PTPRS: variants seen among roughly 807,000 people sequenced by gnomAD.
PTPRS encodes protein tyrosine phosphatase receptor type S.
PTPRS carries 63 observed loss-of-function variants against 215.3 expected under a neutral mutation model. The ratio of observed to expected loss-of-function variants is 0.29; its 90% CI spans 0.24 to 0.36. PTPRS has a LOEUF of 0.36. PTPRS is among the 10% of genes least tolerant of loss of function. The pLI, the probability that PTPRS is intolerant of heterozygous loss-of-function variation, is 1.00. For missense variants in PTPRS, 2,258 were observed against 2,825.8 expected, an observed-to-expected ratio of 0.80 and a Z score of 4.56; for synonymous variants, 1,404 against 1,191.4, an observed-to-expected ratio of 1.18 and a Z score of -3.68.
intron 15 of PTPRS, 52 bp from the exon 16 acceptor site, chr19:5,229,394 G>A: frequency 2.2e-6 from 3 of 1,358,618 alleles, no homozygotes; most frequent in Non-Finnish European, 2.9e-6. Flanking sequence ...GAGCGGGGGA[G>A]GCCAGAGATG....
chr19:5,269,228 T>C (rs2046695282), intron 4 of PTPRS, among the ~76,000 whole-genome samples: 1 of 152,150 alleles, frequency 6.6e-6, no homozygotes, highest in Non-Finnish European at 1.5e-5. Flanking sequence ...CGTGTGTATG[T>C]GGCCCCGCAG....
chr19:5,248,906 C>T (rs886813316), intron 9 of PTPRS, among the ~76,000 whole-genome samples: 32 of 152,346 alleles, frequency 2.1e-4, no homozygotes, highest in African/African-American at 7.7e-4. Flanking sequence ...GTGCCTGGCA[C>T]AGCAGGTGCT....
At chr19:5,243,765 C>T in intron 11 of PTPRS, 136 bp downstream of exon 11, 2 of 879,516 alleles carry the variant, frequency 2.3e-6, no homozygotes, top group South Asian at 2.4e-5. Context: ...AACCACCACA[C>T]CCGGCCTAAA....
chr19:5,277,863 C>T, intron 2 of PTPRS: 2 of 903,366 alleles, frequency 2.2e-6, no homozygotes, highest in Non-Finnish European at 3.7e-6. Flanking sequence ...GTATTGACAA[C>T]AGGGTTCGCA....
intron 1 of PTPRS, among the ~76,000 whole-genome samples, chr19:5,299,119 C>T (rs1292606635): frequency 6.6e-6 from 1 of 152,222 alleles, no homozygotes; most frequent in African/African-American, 2.4e-5. Context: ...ACAGCACCCA[C>T]TACATGGTGC....
In PTPRS at chr19:5,222,133, G is replaced by A. The variant is rs1195525448; in HGVS notation, c.3191C>T (p.Thr1064Ile). The A allele has an allele frequency of 6.2e-7, 1 of 1,613,320 alleles. No individual in the cohort carries two copies. Among genetic ancestry groups the A allele is most frequent in the Admixed American group, 1.7e-5 (1 of 60,012 alleles). The change falls in exon 19 of 38, where the codon ACA becomes ATA. Residue 1064 changes from threonine to isoleucine, a missense_variant. Around this residue, in one of 6 missense-constraint regions of PTPRS, gnomAD observed 361 missense variants for 332.6 expected, o/e 1.09. Transcript: ENST00000262963. ...WEFPDNYNSP[T>I]PYKIQYNGLT... ...GCTGGGCAGTCGCACCTTGTAGGGT[G>A]TGGGTGAGTTGTAGTTGTCAGGGAA...
At chr19:5,215,939 G>A (rs2041400214) in intron 26 of PTPRS, among the ~76,000 whole-genome samples, 1 of 152,158 alleles carries the variant, frequency 6.6e-6, no homozygotes. Context: ...AGGATGTCAA[G>A]CTCCCAGTGC....
In PTPRS at chr19:5,257,974, C is replaced by T. The variant is rs372448549; in HGVS notation, c.706+43G>A. ...AGCCCGAGGAGGGAGGGGGATGGGA[C>T]GGGGCGGGTCCCTGCCTTTGACCTG... On this transcript the variant is annotated intron_variant, in intron 8 of 37. Transcript: ENST00000262963. This position sits in a 1 kb window ranked among gnomAD's most constrained non-coding sequence, Gnocchi z 4.4. The T allele has an allele frequency of 5.9e-5, 89 of 1,514,864 alleles. No individual in the cohort carries two copies. The highest frequency in any genetic ancestry group is 2.4e-4 in the African/African-American group (17 of 72,178). The allele number at this position is 1,514,864 out of a possible 1,614,324, so 93.8% of individuals were successfully genotyped here.
intron 1 of PTPRS, among the ~76,000 whole-genome samples, chr19:5,323,167 A>T (rs916624241): frequency 2.0e-5 from 3 of 151,666 alleles, no homozygotes; most frequent in Non-Finnish European, 4.4e-5. Flanking sequence ...GACCAGCCTG[A>T]CCAACATGGC....
At chr19:5,270,686 G>A (rs1273634335) in intron 4 of PTPRS, among the ~76,000 whole-genome samples, 2 of 152,078 alleles carry the variant, frequency 1.3e-5, no homozygotes, top group African/African-American at 2.4e-5. Flanking sequence ...CACCCAGGCT[G>A]GAGTACAGTG....
intron 1 of PTPRS, among the ~76,000 whole-genome samples, chr19:5,308,216 G>T (rs1231603609): frequency 6.6e-6 from 1 of 152,228 alleles, no homozygotes; most frequent in Non-Finnish European, 1.5e-5. Flanking sequence ...GGAGGGCCTG[G>T]TTCCCCTCGA....
At chr19:5,332,640 G>A (rs1388119949) in intron 1 of PTPRS, among the ~76,000 whole-genome samples, 1 of 152,142 alleles carries the variant, frequency 6.6e-6, no homozygotes, top group Non-Finnish European at 1.5e-5. Flanking sequence ...TCTCCCTTTG[G>A]ACTGGTGAAA....
chr19:5,274,742 C>A (rs2047213380), intron 2 of PTPRS, among the ~76,000 whole-genome samples: 1 of 152,196 alleles, frequency 6.6e-6, no homozygotes, highest in Admixed American at 6.5e-5. Context: ...CACCTGAACC[C>A]CCCCTCCATG....
At chr19:5,232,188 A>G (rs941317268) in intron 13 of PTPRS, among the ~76,000 whole-genome samples, 2 of 152,152 alleles carry the variant, frequency 1.3e-5, no homozygotes, top group African/African-American at 2.4e-5. Context: ...ACAAAATAAT[A>G]GTAAAATATC....
Position 5,263,058 on chromosome 19 carries a change from G to A in PTPRS, c.569-86C>T, listed in dbSNP as rs2046130654. On this transcript the variant is annotated intron_variant, in intron 5 of 37. Coordinates refer to ENST00000262963, the MANE Select transcript of PTPRS (RefSeq NM_002850.4). The stretch of plus-strand genomic sequence containing the variant: ...AGAATCCTATGTCCTCAGCGAGGAG[G>A]GGAGGGCGGGGGAGGGGAGGGGGAC... 9.6e-6 allele frequency: 6 copies of A among 624,662 alleles called. No homozygotes were observed. In the South Asian group the frequency reaches 1.0e-4, roughly 11 times the overall value. 38.7% of individuals were successfully genotyped at this position (624,662 alleles called of 1,614,324 possible).
Position 5,244,983 on chromosome 19 carries a change from C to CTT in PTPRS, c.989-503_989-502dup, listed in dbSNP as rs34897765. Reference sequence around the variant, plus strand: ...GCACCCGGCCTTTTTTTTCTTTTTTCTTTTTTTTTTTTTTTAGACGGAGCC... The same window carrying CTT: ...GCACCCGGCCTTTTTTTTCTTTTTTCTTTTTTTTTTTTTTTTTAGACGGAGCC... On this transcript the variant is annotated intron_variant, in intron 10 of 37. Transcript: ENST00000262963. This position sits in a 1 kb window ranked among gnomAD's most constrained non-coding sequence, Gnocchi z 7.2. Among the ~76,000 whole-genome samples the CTT allele has an allele frequency of 5.0e-4, 54 of 108,184 alleles. No individual in the cohort carries two copies. The highest frequency in any genetic ancestry group is 1.1e-3 in the African/African-American group (33 of 29,756). The allele number at this position is 108,184 out of a possible 152,430, so 71.0% of individuals were successfully genotyped here. A position where few individuals can be genotyped will look rare whatever the true frequency, so the allele number is the denominator to read the frequency against.
At chr19:5,211,463 A>G in intron 33 of PTPRS, 127 bp downstream of exon 33, 1 of 890,608 alleles carries the variant, frequency 1.1e-6, no homozygotes, top group Non-Finnish European at 1.6e-6. Flanking sequence ...ACATCTAAAG[A>G]TGTGTATTTA....
chr19:5,301,679 A>G (rs921917853), intron 1 of PTPRS, among the ~76,000 whole-genome samples: 10 of 151,988 alleles, frequency 6.6e-5, no homozygotes, highest in African/African-American at 2.4e-4. Flanking sequence ...CTCTCCTTCA[A>G]GCGCATCCTC....
chr19:5,268,181 A>AT (rs2046591037), intron 4 of PTPRS, among the ~76,000 whole-genome samples: 2 of 134,658 alleles, frequency 1.5e-5, no homozygotes, highest in South Asian at 2.6e-4. Flanking sequence ...AAATAAATAA[A>AT]TAAATAAATT....
Sources: allele counts gnomAD v4.1 joint callset (sites outside exome capture counted in the v4.1 genomes callset), GRCh38; gene constraint gnomAD v4.1.1; regional missense constraint gnomAD v4.1.1; non-coding constraint Gnocchi (gnomAD v3.1); transcripts MANE v1.5; gene names NCBI Gene and HGNC (gene_info 2026-07-23, HGNC 2026-07-21).